Variants in OSBP observed in about 807,000 individuals in gnomAD.
The protein encoded by OSBP is oxysterol binding protein.
OSBP carries 32 observed loss-of-function variants against 96.6 expected under a neutral mutation model. The observed-to-expected ratio is 0.33, with a 90% CI of 0.25 to 0.45. OSBP has a LOEUF of 0.45. Ranked by LOEUF, OSBP falls within the 20% of genes least tolerant of loss-of-function variation. The pLI, the probability that OSBP is intolerant of heterozygous loss-of-function variation, is 1.00. For synonymous variants in OSBP, 369 were observed against 389.6 expected, an observed-to-expected ratio of 0.95 and a Z score of 0.62; for missense variants, 653 against 1,029.7, an observed-to-expected ratio of 0.63 and a Z score of 5.01.
At chr11:59,595,238 T>A (rs1265158913) in intron 7 of OSBP, 1 of 152,518 alleles carries the variant, frequency 6.6e-6, no homozygotes, top group Non-Finnish European at 1.5e-5. Context: ...CCCAAGTTAG[T>A]CCATAAAGCT....
At chr11:59,592,368 T>C (rs2186411) in intron 9 of OSBP, among the ~76,000 whole-genome samples, 45,265 of 152,148 alleles carry the variant, frequency 0.3, 7,380 homozygotes, top group East Asian at 0.49. Flanking sequence ...GGCTAATTTC[T>C]AGTTTGCACT....
At chr11:59,586,463 T>C (rs1319319640) in intron 9 of OSBP, among the ~76,000 whole-genome samples, 1 of 152,198 alleles carries the variant, frequency 6.6e-6, no homozygotes, top group Non-Finnish European at 1.5e-5. Flanking sequence ...CTCAACATTG[T>C]TAAGGTTGTC....
At chr11:59,585,432 G>A (rs1860487140) in intron 9 of OSBP, among the ~76,000 whole-genome samples, 6 of 146,660 alleles carry the variant, frequency 4.1e-5, no homozygotes, top group Middle Eastern at 3.6e-3. Context: ...GAGCCCCTCC[G>A]CCCGGCAGCC....
At chr11:59,595,992 TAA>T (rs1860648621) in intron 7 of OSBP, among the ~76,000 whole-genome samples, 2 of 138,088 alleles carry the variant, frequency 1.4e-5, no homozygotes, top group African/African-American at 5.4e-5. Flanking sequence ...AATAAATAAA[TAA>T]ATAAAATTCA....
chr11:59,590,796 A>T (rs1184115965), intron 9 of OSBP, among the ~76,000 whole-genome samples: 1 of 152,222 alleles, frequency 6.6e-6, no homozygotes, highest in Non-Finnish European at 1.5e-5. Flanking sequence ...TGCCATGGCA[A>T]ATGTAAAAAT....
chr11:59,594,841 A>G (rs1860628875), intron 7 of OSBP, among the ~76,000 whole-genome samples: 1 of 152,102 alleles, frequency 6.6e-6, no homozygotes, highest in Non-Finnish European at 1.5e-5. Flanking sequence ...GGGGGTTGAG[A>G]GGGGGCTGTG....
Position 59,576,412 on chromosome 11 carries a change from C to A in OSBP, c.*165G>T, listed in dbSNP as rs940983858. ...CAATCAGCTAAGGCAACCAGCCAAT[C>A]ACCACCACTGGTGTCTCCTTCTGGT... On this transcript the variant is annotated 3_prime_UTR_variant, in exon 14 of 14. Coordinates refer to ENST00000263847, the MANE Select transcript of OSBP (RefSeq NM_002556.3). 1.1e-5 allele frequency: 8 copies of A among 738,784 alleles called. No homozygotes were observed. The highest frequency in any genetic ancestry group is 8.8e-5 in the African/African-American group (5 of 56,746). 45.8% of individuals were successfully genotyped at this position (738,784 alleles called of 1,614,324 possible).
rs557225295 is a variant in OSBP at position 59,597,568 on chromosome 11, G to T, written c.1311+2928C>A. Among the ~76,000 whole-genome samples, 3 of 151,004 alleles carry T rather than the reference G, an allele frequency of 2.0e-5. No homozygotes were observed. The South Asian group carries it at 6.3e-4, about 32-fold the overall frequency. On this transcript the variant is annotated intron_variant, in intron 7 of 13. Transcript: ENST00000263847. ...CAACCTTTTTTTCTTTTGAGACAGG[G>T]TCTTGCTCTCACCCAGGCTGGAGTG...
intron 9 of OSBP, among the ~76,000 whole-genome samples, chr11:59,581,936 T>G (rs1044637462): frequency 1.3e-5 from 2 of 152,228 alleles, no homozygotes; most frequent in Non-Finnish European, 2.9e-5. Context: ...GGGACCAGGC[T>G]CTATTGTTAA....
At chr11:59,591,145 C>T (rs1860574614) in intron 9 of OSBP, among the ~76,000 whole-genome samples, 1 of 151,908 alleles carries the variant, frequency 6.6e-6, no homozygotes, top group Non-Finnish European at 1.5e-5. Context: ...TTTTGTTTTC[C>T]TGTTATTTAA....
At chr11:59,581,652 T>C in intron 9 of OSBP, 98 bp from the exon 10 acceptor site, 1 of 548,404 alleles carries the variant, frequency 1.8e-6, no homozygotes, top group South Asian at 2.6e-5. Flanking sequence ...TCTATTGATA[T>C]TTATTACTTT....
chr11:59,593,451 G>A (rs1860609913), intron 9 of OSBP, 153 bp downstream of exon 9: 2 of 744,724 alleles, frequency 2.7e-6, no homozygotes, highest in East Asian at 2.6e-5. Context: ...TTTGATAGCT[G>A]AAAAGTTAAA....
intron 7 of OSBP, chr11:59,595,105 G>A (rs1185518912): frequency 1.3e-5 from 2 of 154,262 alleles, no homozygotes; most frequent in Admixed American, 6.6e-5. Flanking sequence ...GGAGGGGTAG[G>A]GAGTGAGAAA....
intron 7 of OSBP, among the ~76,000 whole-genome samples, chr11:59,597,907 T>C (rs952130878): frequency 5.3e-5 from 8 of 152,108 alleles, no homozygotes; most frequent in Non-Finnish European, 1.0e-4. Context: ...GGTTTCACCA[T>C]GTTGCCTAGG....
chr11:59,575,553 T>C lies in OSBP; in HGVS notation c.*1024A>G, dbSNP rs1860352216. 1 of 152,610 alleles carries C rather than the reference T, an allele frequency of 6.6e-6. No individual in the cohort carries two copies. The highest frequency in any genetic ancestry group is 6.5e-5 in the Admixed American group (1 of 15,282). 9.5% of individuals were successfully genotyped at this position (152,610 alleles called of 1,614,324 possible). A position where few individuals can be genotyped will look rare whatever the true frequency, so the allele number is the denominator to read the frequency against. On this transcript the variant is annotated 3_prime_UTR_variant, in exon 14 of 14. Coordinates refer to ENST00000263847, the MANE Select transcript of OSBP (RefSeq NM_002556.3). ...ATATAATATACAGATATTTAACACATTATTCCAGAGGTGGCTCCAGTCCTT... is the reference window on the plus strand; with the variant it reads ...ATATAATATACAGATATTTAACACACTATTCCAGAGGTGGCTCCAGTCCTT...
At chr11:59,606,251 G>A (rs1860779601) in intron 3 of OSBP, among the ~76,000 whole-genome samples, 1 of 151,816 alleles carries the variant, frequency 6.6e-6, no homozygotes, top group East Asian at 1.9e-4. Flanking sequence ...ATAGATGGCA[G>A]ATGAATATAC....
At chr11:59,601,969 T>C (rs2134670457) in intron 3 of OSBP, 131 bp from the exon 4 acceptor site, 1 of 732,552 alleles carries the variant, frequency 1.4e-6, no homozygotes, top group East Asian at 2.7e-5. Context: ...CTTTCCCTTT[T>C]ATGCCAAGGT....
chr11:59,579,492 C>A (rs1282954409), intron 11 of OSBP, among the ~76,000 whole-genome samples: 2 of 151,858 alleles, frequency 1.3e-5, no homozygotes, highest in East Asian at 3.9e-4. Flanking sequence ...TGCCACCATG[C>A]CCGGCTAATT....
intron 3 of OSBP, among the ~76,000 whole-genome samples, chr11:59,606,953 T>C (rs1860787248): frequency 6.6e-6 from 1 of 152,216 alleles, no homozygotes; most frequent in Non-Finnish European, 1.5e-5. Flanking sequence ...CAAGAGATCA[T>C]TCCCTTTAAC....
Sources: allele counts gnomAD v4.1 joint callset (sites outside exome capture counted in the v4.1 genomes callset), GRCh38; gene constraint gnomAD v4.1.1; transcripts MANE v1.5; gene names NCBI Gene and HGNC (gene_info 2026-07-23, HGNC 2026-07-21).